Variants in KLRG1 observed in about 807,000 individuals in gnomAD.
KLRG1 encodes the protein killer cell lectin like receptor G1.
Under a neutral mutation model 21.8 loss-of-function variants are expected in KLRG1, and 16 were observed. The ratio of observed to expected loss-of-function variants is 0.73; its 90% CI spans 0.50 to 1.11. KLRG1 has a LOEUF of 1.11. Ranked by LOEUF, KLRG1 falls within the 50% of genes most tolerant of loss-of-function variation. The pLI is 0.00. For missense variants in KLRG1, 173 were observed against 218.3 expected (o/e 0.79, Z 1.31); for synonymous variants, 69 against 75.9 (o/e 0.91, Z 0.47).
At chr12:9,138,161 A>G in the KLRG1 span, among the ~76,000 whole-genome samples, 10 of 152,062 alleles carry the variant, frequency 6.6e-5, no homozygotes, top group Non-Finnish European at 1.5e-4. Flanking sequence ...GGCCTTTCAT[A>G]TATAGCCTGT....
the KLRG1 span, among the ~76,000 whole-genome samples, chr12:9,050,969 G>A: frequency 6.6e-6 from 1 of 152,214 alleles, no homozygotes; most frequent in Non-Finnish European, 1.5e-5. Context: ...AGAGTCCTGG[G>A]AGGAAGGGGG....
At chr12:9,212,343 C>G in the KLRG1 span, among the ~76,000 whole-genome samples, 1 of 152,198 alleles carries the variant, frequency 6.6e-6, no homozygotes, top group Non-Finnish European at 1.5e-5. Context: ...GTGAGCATTT[C>G]TCCCATTAGG....
At chr12:9,041,752 C>A in the KLRG1 span, among the ~76,000 whole-genome samples, 1 of 152,168 alleles carries the variant, frequency 6.6e-6, no homozygotes, top group Non-Finnish European at 1.5e-5. Flanking sequence ...TCAGGTAATT[C>A]CAGCTCTAGC....
chr12:8,968,121 G>A (rs1345436630), intron 1 of KLRG1, among the ~76,000 whole-genome samples: 1 of 152,098 alleles, frequency 6.6e-6, no homozygotes, highest in Non-Finnish European at 1.5e-5. Context: ...TAAATGCAAA[G>A]TAGTAGATAT....
chr12:9,016,642 T>C, the KLRG1 span, among the ~76,000 whole-genome samples: 1 of 152,314 alleles, frequency 6.6e-6, no homozygotes, highest in Admixed American at 6.5e-5. Flanking sequence ...AGACAGTGTC[T>C]TGCTTTGTTG....
the KLRG1 span, among the ~76,000 whole-genome samples, chr12:9,022,942 C>T: frequency 6.6e-6 from 1 of 152,184 alleles, no homozygotes; most frequent in Non-Finnish European, 1.5e-5. Flanking sequence ...AAAATCTGTG[C>T]CCCTTCTCAC....
the KLRG1 span, among the ~76,000 whole-genome samples, chr12:9,185,530 A>G: frequency 1.3e-5 from 2 of 152,224 alleles, no homozygotes; most frequent in Admixed American, 1.3e-4. Context: ...ATCATCCATG[A>G]GAACTTCCCC....
At chr12:9,116,115 C>T in the KLRG1 span, 5 of 430,930 alleles carry the variant, frequency 1.2e-5, no homozygotes, top group African/African-American at 8.1e-5. Flanking sequence ...TTCCCATTCC[C>T]GTAAGAGCTC....
At chr12:9,142,074 C>T in the KLRG1 span, among the ~76,000 whole-genome samples, 1 of 152,096 alleles carries the variant, frequency 6.6e-6, no homozygotes. Flanking sequence ...TGTAAACATC[C>T]CTCTCTTTAA....
chr12:9,054,806 C>T, the KLRG1 span, among the ~76,000 whole-genome samples: 6 of 152,106 alleles, frequency 3.9e-5, no homozygotes, highest in African/African-American at 1.4e-4. Context: ...ATCTCTAATC[C>T]AAAAATCTGA....
the KLRG1 span, chr12:9,072,242 G>A: frequency 8.4e-7 from 1 of 1,194,490 alleles, no homozygotes; most frequent in Non-Finnish European, 1.2e-6. Flanking sequence ...AGAATACATT[G>A]CATTTTTTGT....
chr12:8,979,606 C>T (rs773900956), intron 1 of KLRG1, among the ~76,000 whole-genome samples: 1 of 152,084 alleles, frequency 6.6e-6, no homozygotes, highest in African/African-American at 2.4e-5. Context: ...CTATGTTCTT[C>T]CCTCAATTTG....
the KLRG1 span, among the ~76,000 whole-genome samples, chr12:9,102,414 C>T: frequency 3.3e-5 from 5 of 152,108 alleles, no homozygotes; most frequent in African/African-American, 7.2e-5. Context: ...CAGGGTTTCA[C>T]CACGTTGCCT....
the KLRG1 span, chr12:9,200,233 T>C: frequency 1.9e-6 from 1 of 533,256 alleles, no homozygotes; most frequent in Non-Finnish European, 3.2e-6. Context: ...AGTAAGTCGT[T>C]AAATAAAGAG....
At chr12:9,072,617 TC>T in the KLRG1 span, 1 of 1,604,668 alleles carries the variant, frequency 6.2e-7, no homozygotes, top group South Asian at 1.1e-5. Context: ...GCTGCTGTCC[TC>T]ATCTGTCCTG....
At chr12:9,115,583 T>C in the KLRG1 span, 1 of 558,682 alleles carries the variant, frequency 1.8e-6, no homozygotes, top group Non-Finnish European at 3.2e-6. Flanking sequence ...TTCAGAGAGT[T>C]GGGGAAGAAT....
chr12:8,987,557 C>T (rs1346508312), upstream of KLRG1: 1 of 152,124 alleles, frequency 6.6e-6, no homozygotes, highest in Admixed American at 6.5e-5. Flanking sequence ...TGTGATAGTC[C>T]AAGCAAGTGA....
chr12:9,160,242 T>G, the KLRG1 span: 1 of 1,364,720 alleles, frequency 7.3e-7, no homozygotes, highest in South Asian at 1.3e-5. Context: ...TAATATTTGA[T>G]GATATAACTG....
At chr12:9,158,654 C>G in the KLRG1 span, 1 of 1,437,302 alleles carries the variant, frequency 7.0e-7, no homozygotes, top group Non-Finnish European at 9.4e-7. Flanking sequence ...CACAGGCTCC[C>G]CCATCACAGT....
Sources: allele counts gnomAD v4.1 joint callset (sites outside exome capture counted in the v4.1 genomes callset), GRCh38; gene constraint gnomAD v4.1.1; transcripts MANE v1.5; gene names NCBI Gene and HGNC (gene_info 2026-07-23, HGNC 2026-07-21).